The following GRIP1 variants were observed in gnomAD, a reference collection of about 807,000 sequenced individuals.
GRIP1 encodes glutamate receptor interacting protein 1.
GRIP1 carries 45 observed loss-of-function variants against 129.9 expected under a neutral mutation model. The ratio of observed to expected loss-of-function variants is 0.35; its 90% CI spans 0.27 to 0.44. The LOEUF is 0.44. GRIP1 is among the 20% of genes least tolerant of loss of function. The pLI is 1.00. For synonymous variants in GRIP1, 530 were observed against 520.8 expected, an observed-to-expected ratio of 1.02 and a Z score of -0.24; for missense variants, 1,196 against 1,396.8, an observed-to-expected ratio of 0.86 and a Z score of 2.29.
intron 1 of GRIP1, among the ~76,000 whole-genome samples, chr12:66,939,360 G>A (rs2041546484): frequency 6.6e-6 from 1 of 152,090 alleles, no homozygotes. Context: ...AACAAAAACA[G>A]TTAATCAACA....
chr12:66,997,459 T>A (rs1384017550), intron 1 of GRIP1, among the ~76,000 whole-genome samples: 2 of 151,954 alleles, frequency 1.3e-5, no homozygotes, highest in Admixed American at 6.6e-5. Flanking sequence ...AAGTAGGTAG[T>A]AAAATTAAAA....
intron 1 of GRIP1, among the ~76,000 whole-genome samples, chr12:66,832,681 A>C (rs899578764): frequency 1.3e-5 from 2 of 152,220 alleles, no homozygotes; most frequent in African/African-American, 4.8e-5. Context: ...AATATGGAGA[A>C]ACAGATTCTA....
At chr12:66,711,982 A>G (rs999807307) in intron 1 of GRIP1, among the ~76,000 whole-genome samples, 61 of 152,096 alleles carry the variant, frequency 4.0e-4, no homozygotes, top group African/African-American at 1.5e-3. Context: ...ACCACATGTG[A>G]AAAATAAACT....
chr12:66,428,468 C>T (rs1014476236), intron 14 of GRIP1, among the ~76,000 whole-genome samples: 2 of 152,106 alleles, frequency 1.3e-5, no homozygotes, highest in Admixed American at 6.6e-5. Flanking sequence ...TCAGTCAGAA[C>T]TAAAAAGGAA....
chr12:66,738,138 C>A (rs893049706), intron 1 of GRIP1, among the ~76,000 whole-genome samples: 2 of 151,906 alleles, frequency 1.3e-5, no homozygotes, highest in African/African-American at 2.4e-5. Context: ...AGAGAAGGCA[C>A]AGCAGGAGGA....
Position 66,678,945 on chromosome 12 carries a change from C to G in GRIP1, c.-41G>C. 6.2e-7 allele frequency: 1 copy of G among 1,612,876 alleles called. No homozygotes were observed. Among genetic ancestry groups the G allele is most frequent in the South Asian group, 1.1e-5 (1 of 91,044 alleles). ...TCTGTGGCAAAGTGTACTCAAGGCT[C>G]TCTGCTCTGGTGGCTGCAGCAGCAG... On this transcript the variant is annotated 5_prime_UTR_variant, in exon 1 of 25. Transcript: ENST00000359742.
chr12:66,994,276 C>T (rs1566110353), intron 1 of GRIP1, among the ~76,000 whole-genome samples: 2 of 150,896 alleles, frequency 1.3e-5, no homozygotes, highest in African/African-American at 2.4e-5. Context: ...TCTAAGACCA[C>T]GTAAAAATTA....
intron 1 of GRIP1, among the ~76,000 whole-genome samples, chr12:66,909,955 G>A (rs74098142): frequency 1.5e-3 from 234 of 152,066 alleles, no homozygotes; most frequent in African/African-American, 5.1e-3. Context: ...CACAACTTAA[G>A]TTTTTTTTAT....
chr12:66,710,996 T>C (rs1267069206), intron 1 of GRIP1, among the ~76,000 whole-genome samples: 1 of 151,828 alleles, frequency 6.6e-6, no homozygotes, highest in Non-Finnish European at 1.5e-5. Flanking sequence ...ATATGGTAGA[T>C]TTGTCTTCAG....
chr12:66,868,984 C>A (rs1384309328), intron 1 of GRIP1, among the ~76,000 whole-genome samples: 1 of 152,082 alleles, frequency 6.6e-6, no homozygotes, highest in Non-Finnish European at 1.5e-5. Context: ...AGGTCAGTAA[C>A]CTGAACTTTC....
chr12:66,835,901 C>T (rs992186101), intron 1 of GRIP1, among the ~76,000 whole-genome samples: 3 of 151,836 alleles, frequency 2.0e-5, no homozygotes, highest in African/African-American at 7.3e-5. Context: ...TTAGGTTCAT[C>T]AGTTGTAACA....
intron 1 of GRIP1, among the ~76,000 whole-genome samples, chr12:66,788,306 G>A (rs538563837): frequency 6.6e-6 from 1 of 151,576 alleles, no homozygotes; most frequent in South Asian, 2.1e-4. Context: ...AAAAAGTCTG[G>A]ACACAGTTGA....
At chr12:66,656,199 G>A (rs7295700) in intron 1 of GRIP1, among the ~76,000 whole-genome samples, 5,496 of 152,162 alleles carry the variant, frequency 0.036, 330 homozygotes, top group African/African-American at 0.13. Flanking sequence ...ATGAATAAAT[G>A]AACAACTTTT....
chr12:66,574,431 T>A (rs758137595), intron 2 of GRIP1, among the ~76,000 whole-genome samples: 5 of 152,260 alleles, frequency 3.3e-5, no homozygotes, highest in Admixed American at 6.5e-5. Flanking sequence ...TCACTCTCTC[T>A]TTTAAAACAC....
chr12:66,397,421 G>A (rs1490194288), intron 16 of GRIP1, among the ~76,000 whole-genome samples: 1 of 151,810 alleles, frequency 6.6e-6, no homozygotes, highest in African/African-American at 2.4e-5. Context: ...GCTGAGGCAG[G>A]AGAATCGCTT....
intron 7 of GRIP1, among the ~76,000 whole-genome samples, chr12:66,475,395 G>C (rs573840173): frequency 5.3e-5 from 8 of 151,924 alleles, no homozygotes; most frequent in South Asian, 2.1e-4. Context: ...CTTTAACACC[G>C]CACTGTCAAC....
intron 15 of GRIP1, among the ~76,000 whole-genome samples, chr12:66,417,961 A>G (rs1420075810): frequency 6.6e-6 from 1 of 152,168 alleles, no homozygotes; most frequent in Non-Finnish European, 1.5e-5. Context: ...CTGAACCACA[A>G]AAGACCTAGA....
chr12:66,984,513 A>G (rs1185420197), intron 1 of GRIP1, among the ~76,000 whole-genome samples: 1 of 152,172 alleles, frequency 6.6e-6, no homozygotes, highest in East Asian at 1.9e-4. Flanking sequence ...TTCTTCTAAG[A>G]GCTTTACATG....
chr12:66,821,853 G>C (rs1312507310), intron 1 of GRIP1, among the ~76,000 whole-genome samples: 1 of 152,130 alleles, frequency 6.6e-6, no homozygotes, highest in Non-Finnish European at 1.5e-5. Context: ...AAAAAGTAGA[G>C]GCCCTACTGC....
Sources: allele counts gnomAD v4.1 joint callset (sites outside exome capture counted in the v4.1 genomes callset), GRCh38; gene constraint gnomAD v4.1.1; transcripts MANE v1.5; gene names NCBI Gene and HGNC (gene_info 2026-07-23, HGNC 2026-07-21).